S100Z: variants seen among roughly 807,000 people sequenced by gnomAD.
S100Z encodes protein S100-Z.
Under a neutral mutation model 8.5 loss-of-function variants are expected in S100Z, and 11 were observed. The ratio of observed to expected loss-of-function variants is 1.30; its 90% confidence interval spans 0.82 to 2.15. The LOEUF (loss-of-function observed/expected upper bound fraction) is 2.15. Among genes scored for constraint, S100Z ranks in the 30% most tolerant of loss-of-function variants. The probability of loss-of-function intolerance (pLI) is 0.00; values close to 1 mark genes in which losing one functional copy is unlikely to be tolerated. For missense variants in S100Z, 126 were observed against 117.9 expected (o/e 1.07, Z -0.32); for synonymous variants, 34 against 43.8 (o/e 0.78, Z 0.89).
At chr5:76,866,690 T>C (rs1375513941) in intron 1 of S100Z, among the ~76,000 whole-genome samples, 1 of 152,262 alleles carries the variant, frequency 6.6e-6, no homozygotes, top group Non-Finnish European at 1.5e-5. Context: ...TACAGGTTTA[T>C]AGCCTAGGAG....
At chr5:76,950,894 C>T in the S100Z span, among the ~76,000 whole-genome samples, 1 of 152,212 alleles carries the variant, frequency 6.6e-6, no homozygotes, top group Admixed American at 6.5e-5. Context: ...CCAAATTACT[C>T]TTCCATTTCT....
intron 4 of S100Z, among the ~76,000 whole-genome samples, chr5:76,898,443 G>A (rs2150667818): frequency 6.6e-6 from 1 of 152,238 alleles, no homozygotes; most frequent in Middle Eastern, 3.4e-3. Context: ...GGGATTACAG[G>A]CATCAGCCAC....
chr5:76,927,581 A>G, the S100Z span, among the ~76,000 whole-genome samples: 2,035 of 152,350 alleles, frequency 0.013, 38 homozygotes, highest in African/African-American at 0.045. Context: ...GGCTGGGAGA[A>G]GTTAAAGACC....
the S100Z span, among the ~76,000 whole-genome samples, chr5:76,942,422 A>G: frequency 1.1e-5 from 1 of 92,216 alleles, no homozygotes; most frequent in African/African-American, 4.3e-5. Flanking sequence ...CAGTATAGCT[A>G]TTATATTGGC....
intron 4 of S100Z, among the ~76,000 whole-genome samples, chr5:76,882,380 G>T (rs930706234): frequency 6.6e-6 from 1 of 152,200 alleles, no homozygotes; most frequent in South Asian, 2.1e-4. Context: ...TTGGCTGTGT[G>T]TAATGAAAAA....
intron 4 of S100Z, among the ~76,000 whole-genome samples, chr5:76,880,871 C>T (rs1433324365): frequency 1.3e-5 from 2 of 151,942 alleles, no homozygotes; most frequent in Non-Finnish European, 2.9e-5. Context: ...TAAAAATATA[C>T]AAGAGTACCC....
chr5:76,870,664 C>A (rs768911055), intron 2 of S100Z, among the ~76,000 whole-genome samples: 12 of 151,736 alleles, frequency 7.9e-5, no homozygotes, highest in Non-Finnish European at 1.3e-4. Context: ...GTGGGACATT[C>A]AGGTAGAGAT....
intron 4 of S100Z, among the ~76,000 whole-genome samples, chr5:76,887,395 CTT>C (rs70982657): frequency 5.4e-5 from 4 of 74,692 alleles, no homozygotes; most frequent in African/African-American, 1.6e-4. Flanking sequence ...CTGTGCCAGG[CTT>C]TTTTTTTTTT....
chr5:76,952,205 C>T, the S100Z span, among the ~76,000 whole-genome samples: 1 of 152,234 alleles, frequency 6.6e-6, no homozygotes. Context: ...TACAATAAAG[C>T]TTCCTGGCAG....
At chr5:76,952,423 A>G in the S100Z span, among the ~76,000 whole-genome samples, 1 of 152,264 alleles carries the variant, frequency 6.6e-6, no homozygotes, top group African/African-American at 2.4e-5. Context: ...TTAGTTTTCC[A>G]TGAAAGAAAT....
At chr5:76,857,536 G>A (rs376314073) in intron 1 of S100Z, among the ~76,000 whole-genome samples, 19 of 127,616 alleles carry the variant, frequency 1.5e-4, no homozygotes, top group African/African-American at 4.9e-4. Flanking sequence ...GTCTTGCTCC[G>A]CCACCCAGAC....
chr5:76,911,247 G>A (rs1261960685), intron 4 of S100Z, among the ~76,000 whole-genome samples: 3 of 152,210 alleles, frequency 2.0e-5, no homozygotes, highest in African/African-American at 7.2e-5. Flanking sequence ...GTAAGGAAAT[G>A]CAACAGTCCC....
chr5:76,938,115 A>AAAAAC, the S100Z span, among the ~76,000 whole-genome samples: 4 of 138,158 alleles, frequency 2.9e-5, no homozygotes, highest in Admixed American at 2.1e-4. Flanking sequence ...AATAAACAAA[A>AAAAAC]AAACAAAAAA....
At chr5:76,911,596 C>T (rs1744663365) in intron 4 of S100Z, among the ~76,000 whole-genome samples, 2 of 152,228 alleles carry the variant, frequency 1.3e-5, no homozygotes, top group South Asian at 2.1e-4. Context: ...TAGGCCATTT[C>T]TCAAGTCCAG....
chr5:76,943,455 CA>C, the S100Z span, among the ~76,000 whole-genome samples: 1 of 152,134 alleles, frequency 6.6e-6, no homozygotes, highest in East Asian at 1.9e-4. Flanking sequence ...AGAAGAGTGT[CA>C]AAGAATTTGC....
chr5:76,915,720 T>A (rs1484227017), intron 4 of S100Z, among the ~76,000 whole-genome samples: 1 of 152,144 alleles, frequency 6.6e-6, no homozygotes, highest in African/African-American at 2.4e-5. Context: ...GGTTTAACTA[T>A]AAAAATTAAA....
chr5:76,872,968 T>C (rs922634428), intron 2 of S100Z, among the ~76,000 whole-genome samples: 2 of 152,102 alleles, frequency 1.3e-5, no homozygotes, highest in African/African-American at 4.8e-5. Flanking sequence ...AGTCAGACCT[T>C]GCCTCAAAAA....
chr5:76,851,526 C>T (rs1750729484), intron 1 of S100Z, among the ~76,000 whole-genome samples: 1 of 151,902 alleles, frequency 6.6e-6, no homozygotes, highest in African/African-American at 2.4e-5. Context: ...GAGAGAGGGG[C>T]CAGGAATAGC....
Position 76,895,486 on chromosome 5 carries a change from A to C in S100Z, c.*2+17652A>C, listed in dbSNP as rs186458747. Among the ~76,000 whole-genome samples, 1,018 of 152,030 alleles carry C rather than the reference A, an allele frequency of 6.7e-3. 7 individuals are homozygous for C. Among genetic ancestry groups the C allele is most frequent in the South Asian group, 0.022 (105 of 4,824 alleles). ...AAGCCCAATGACAGTTTAAAAAAAAACCCCTGATGTCCAACTTACCCTGAT... is the reference window on the plus strand; with the variant it reads ...AAGCCCAATGACAGTTTAAAAAAAACCCCCTGATGTCCAACTTACCCTGAT... On this transcript the variant is annotated intron_variant, in intron 4 of 4. Coordinates refer to ENST00000317593, the MANE Select transcript of S100Z (RefSeq NM_130772.4).
Sources: allele counts gnomAD v4.1 joint callset (sites outside exome capture counted in the v4.1 genomes callset), GRCh38; gene constraint gnomAD v4.1.1; transcripts MANE v1.5; gene names NCBI Gene and HGNC (gene_info 2026-07-23, HGNC 2026-07-21).